The following DNM2 variants were observed in gnomAD, a reference collection of about 807,000 sequenced individuals.
The protein encoded by DNM2 is dynamin 2, also known as dynamin-2.
In DNM2, 15 loss-of-function variants were observed where a neutral mutation model predicts 99.0. The observed-to-expected ratio is 0.15, with a 90% CI of 0.10 to 0.23. DNM2 has a LOEUF of 0.23. Among genes scored for constraint, DNM2 ranks in the 10% least tolerant of loss-of-function variants. The pLI is 1.00. For synonymous variants in DNM2, 525 were observed against 481.2 expected (o/e 1.09, Z -1.19); for missense variants, 742 against 1,189.4 (o/e 0.62, Z 5.53).
rs530764991 is a variant in DNM2 at position 10,763,990 on chromosome 19, C to T, written c.235+4179C>T. On this transcript the variant is annotated intron_variant, in intron 2 of 20. Coordinates refer to ENST00000389253, the MANE Select transcript of DNM2 (RefSeq NM_001005361.3). ...GTCTTCCAGGCAAGGCATTAAGCAGCATAGGCACCCTTGCTGGGGGAGGTG... is the reference window on the plus strand; with the variant it reads ...GTCTTCCAGGCAAGGCATTAAGCAGTATAGGCACCCTTGCTGGGGGAGGTG... 1.7e-3 allele frequency among the ~76,000 whole-genome samples: 258 copies of T among 151,970 alleles called. 1 individual carries two copies. Among genetic ancestry groups the T allele is most frequent in the Non-Finnish European group, 2.8e-3 (193 of 67,950 alleles).
intron 6 of DNM2, among the ~76,000 whole-genome samples, chr19:10,785,497 C>CA (rs763200404): frequency 3.3e-5 from 5 of 152,182 alleles, no homozygotes; most frequent in East Asian, 1.9e-4. Context: ...GTGACACAAA[C>CA]ACGGCTCATT....
At chr19:10,808,051 G>C (rs1381713241) in intron 13 of DNM2, among the ~76,000 whole-genome samples, 1 of 151,804 alleles carries the variant, frequency 6.6e-6, no homozygotes, top group Non-Finnish European at 1.5e-5. Context: ...GTTGAGACAG[G>C]AGAATCACTT....
intron 12 of DNM2, chr19:10,803,598 A>G: frequency 1.0e-6 from 1 of 984,966 alleles, no homozygotes; most frequent in Non-Finnish European, 1.2e-6. Context: ...TCCTTTGACC[A>G]CTCTTTCCTC....
rs2073352930 is a variant in DNM2, at chr19:10,831,761, C to T, written c.*714C>T. The T allele has an allele frequency of 2.0e-6, 2 of 986,486 alleles. No homozygotes were observed. Among genetic ancestry groups the T allele is most frequent in the Middle Eastern group, 5.2e-4 (1 of 1,916 alleles). The allele number at this position is 986,486 out of a possible 1,614,324, so 61.1% of individuals were successfully genotyped here. ...GGGGTCTTGGGGGCCTCTCAGCTCCCGCCCATGCCTCCCTGATGGGTGGGC... is the reference window on the plus strand; with the variant it reads ...GGGGTCTTGGGGGCCTCTCAGCTCCTGCCCATGCCTCCCTGATGGGTGGGC... On this transcript the variant is annotated 3_prime_UTR_variant, in exon 21 of 21. Coordinates refer to ENST00000389253, the MANE Select transcript of DNM2 (RefSeq NM_001005361.3). This position sits in a 1 kb window ranked among gnomAD's most constrained non-coding sequence, Gnocchi z 4.3.
In DNM2 at chr19:10,796,320, T is replaced by C; in HGVS notation, c.1196+881T>C. The C allele has an allele frequency of 6.7e-7, 1 of 1,484,394 alleles. No individual in the cohort carries two copies. Among genetic ancestry groups the C allele is most frequent in the Admixed American group, 1.7e-5 (1 of 57,706 alleles). The allele number at this position is 1,484,394 out of a possible 1,614,324, so 92.0% of individuals were successfully genotyped here. On this transcript the variant is annotated intron_variant, in intron 9 of 20. Coordinates refer to ENST00000389253, the MANE Select transcript of DNM2 (RefSeq NM_001005361.3). The surrounding 1 kb of genome is among the most constrained non-coding windows in gnomAD (Gnocchi z 5.6). ...TGCCTTTTCTCCCCATATCGCTTTG[T>C]GTCCGTGAACTTGGCCTCTCCCCAG...
At chr19:10,734,950 ATTC>A (rs1399252057) in intron 1 of DNM2, among the ~76,000 whole-genome samples, 1 of 151,560 alleles carries the variant, frequency 6.6e-6, no homozygotes, top group Non-Finnish European at 1.5e-5. Flanking sequence ...CTTATCTGGA[ATTC>A]TTCATGGTGA....
rs949183837 is a variant in DNM2, at chr19:10,830,696, G to T, written c.2544-282G>T. Among the ~76,000 whole-genome samples the T allele has an allele frequency of 1.1e-4, 16 of 152,086 alleles. No individual in the cohort carries two copies. The highest frequency in any genetic ancestry group is 3.9e-4 in the African/African-American group (16 of 41,412). On this transcript the variant is annotated intron_variant, in intron 20 of 20. Transcript: ENST00000389253. The surrounding 1 kb of genome is among the most constrained non-coding windows in gnomAD (Gnocchi z 4.8). ...TTACCTTCTTCTCCTTCCTGCTCCT[G>T]CCTGCCTCAACCTACCGTGGGCCAG... is the stretch of plus-strand genomic sequence containing the variant.
intron 1 of DNM2, chr19:10,755,466 C>CTT (rs34019172): frequency 0.035 from 4,957 of 142,554 alleles, 258 homozygotes; most frequent in African/African-American, 0.11. Context: ...CTGCATTTGT[C>CTT]TTTTTTTTTT....
At chr19:10,757,263 T>C (rs891562715) in intron 1 of DNM2, among the ~76,000 whole-genome samples, 5 of 151,412 alleles carry the variant, frequency 3.3e-5, no homozygotes, top group African/African-American at 4.9e-5. Context: ...GCTGACTTGT[T>C]GTGTAGTCAG....
At chr19:10,735,617 G>A (rs12052181) in intron 1 of DNM2, among the ~76,000 whole-genome samples, 15,470 of 151,548 alleles carry the variant, frequency 0.1, 1,221 homozygotes, top group East Asian at 0.37. Context: ...GGATTCAAGC[G>A]ATTCTCCTGC....
chr19:10,821,181 C>T (rs1320693615), intron 16 of DNM2, among the ~76,000 whole-genome samples: 1 of 152,054 alleles, frequency 6.6e-6, no homozygotes, highest in Non-Finnish European at 1.5e-5. Flanking sequence ...AGCTCGAGAC[C>T]CATTTGTCCA....
intron 1 of DNM2, among the ~76,000 whole-genome samples, chr19:10,758,443 T>TTCCCTCCC (rs1408137388): frequency 3.0e-5 from 1 of 33,026 alleles, no homozygotes; most frequent in African/African-American, 1.4e-4. Context: ...CCCTCCCTCC[T>TTCCCTCCC]TCCTTCCCTC....
chr19:10,774,102 T>C (rs1179997442), intron 3 of DNM2, among the ~76,000 whole-genome samples: 3 of 152,230 alleles, frequency 2.0e-5, no homozygotes, highest in Non-Finnish European at 4.4e-5. Context: ...AAAACCTACC[T>C]TGTCAACCAG....
intron 3 of DNM2, among the ~76,000 whole-genome samples, chr19:10,773,442 C>T (rs953536082): frequency 2.0e-4 from 22 of 107,948 alleles, no homozygotes; most frequent in South Asian, 1.3e-3. Context: ...CCGCCGCGCC[C>T]GGCCAAATTT....
At position 10,831,272 on chromosome 19, in the gene DNM2, T is replaced by C. The variant is rs1049849859; in HGVS notation, c.*225T>C. On this transcript the variant is annotated 3_prime_UTR_variant, in exon 21 of 21. Coordinates refer to ENST00000389253, the MANE Select transcript of DNM2 (RefSeq NM_001005361.3). The surrounding 1 kb of genome is among the most constrained non-coding windows in gnomAD (Gnocchi z 4.3). ...CTCCAGGCAGGGGGCGCTGGGGTGT[T>C]GCACTTTGGGGGATGGAGTCTCAGG... 3.8e-6 allele frequency: 5 copies of C among 1,306,562 alleles called. No homozygotes were observed. In the African/African-American group the frequency reaches 7.7e-5, roughly 20 times the overall value. 80.9% of individuals were successfully genotyped at this position (1,306,562 alleles called of 1,614,324 possible). A position where few individuals can be genotyped will look rare whatever the true frequency, so the allele number is the denominator to read the frequency against.
At chr19:10,782,834 T>C (rs1472082368) in intron 5 of DNM2, 126 bp from the exon 6 acceptor site, 5 of 1,311,684 alleles carry the variant, frequency 3.8e-6, no homozygotes, top group East Asian at 2.3e-5. Flanking sequence ...CTGAGTAACA[T>C]GTTATGACAG....
intron 16 of DNM2, among the ~76,000 whole-genome samples, chr19:10,821,563 CTGT>C (rs1428353845): frequency 6.6e-6 from 1 of 151,962 alleles, no homozygotes; most frequent in African/African-American, 2.4e-5. Flanking sequence ...CGGAGTTCCG[CTGT>C]TGTTGCCCAG....
chr19:10,728,518 G>T (rs1483918780), intron 1 of DNM2, among the ~76,000 whole-genome samples: 1 of 152,180 alleles, frequency 6.6e-6, no homozygotes, highest in African/African-American at 2.4e-5. Flanking sequence ...AGTGAGCAAC[G>T]CGTGGCTTTG....
At chr19:10,797,783 C>T (rs2071991317) in intron 10 of DNM2, among the ~76,000 whole-genome samples, 1 of 152,128 alleles carries the variant, frequency 6.6e-6, no homozygotes, top group Non-Finnish European at 1.5e-5. Flanking sequence ...TCCTGGAACC[C>T]CTAGAGAAAG....
Sources: allele counts gnomAD v4.1 joint callset (sites outside exome capture counted in the v4.1 genomes callset), GRCh38; gene constraint gnomAD v4.1.1; non-coding constraint Gnocchi (gnomAD v3.1); transcripts MANE v1.5; gene names NCBI Gene and HGNC (gene_info 2026-07-23, HGNC 2026-07-21).